ZNF106: variants seen among roughly 807,000 people sequenced by gnomAD.
ZNF106 encodes SH3-domain binding protein 3.
ZNF106 carries 67 observed loss-of-function variants against 195.1 expected under a neutral mutation model. That is an observed-to-expected ratio of 0.34 (90% CI 0.28 to 0.42). The LOEUF (loss-of-function observed/expected upper bound fraction) is 0.42. ZNF106 is among the 10% of genes least tolerant of loss of function. The pLI is 1.00. For missense variants in ZNF106, 2,118 were observed against 2,304.5 expected, an observed-to-expected ratio of 0.92 and a Z score of 1.66; for synonymous variants, 784 against 818.6, an observed-to-expected ratio of 0.96 and a Z score of 0.72.
In ZNF106 at chr15:42,449,777, A is replaced by G. The variant is rs761923719; in HGVS notation, c.2495T>C (p.Leu832Ser). Residue 832 changes from leucine (L) to serine (S), a missense_variant, in exon 5 of 22, where the codon TTA becomes TCA. Physicochemically the swap from Leu to Ser is moderately radical, Grantham distance 145. Transcript: ENST00000564754. ...ACCGAAAAGCAGCACACACCTGGGT[A>G]AGCCTTTGCCCAGCTCTTGCTTTTT... ...TKKKQELGKG[L>S]PRFGIEMVPL... 1.9e-6 allele frequency: 3 copies of G among 1,612,984 alleles called. No individual in the cohort carries two copies. In the East Asian group the frequency reaches 6.7e-5, roughly 36 times the overall value.
Position 42,414,817 on chromosome 15 carries a change from G to T in ZNF106, c.*2487C>A, listed in dbSNP as rs1178314494. The T allele has an allele frequency of 6.6e-6, 1 of 152,276 alleles. No individual in the cohort carries two copies. Among genetic ancestry groups the T allele is most frequent in the Non-Finnish European group, 1.5e-5 (1 of 68,086 alleles). The allele number at this position is 152,276 out of a possible 1,614,324, so 9.4% of individuals were successfully genotyped here. ...AGCCCAGAGAAAAGGGCCAGGTTTA[G>T]TCATCGATCCAGATGCATTTTCCCG... On this transcript the variant is annotated 3_prime_UTR_variant, in exon 22 of 22. Coordinates refer to ENST00000564754, the MANE Select transcript of ZNF106 (RefSeq NM_001366845.3).
chr15:42,427,881 GTGTT>G, intron 15 of ZNF106, 133 bp downstream of exon 15: 1 of 663,918 alleles, frequency 1.5e-6, no homozygotes, highest in Non-Finnish European at 2.7e-6. Flanking sequence ...GAAGATAACT[GTGTT>G]TGAGTAGTGG....
chr15:42,428,485 T>C (rs2054934909), intron 14 of ZNF106, among the ~76,000 whole-genome samples: 1 of 152,062 alleles, frequency 6.6e-6, no homozygotes, highest in Non-Finnish European at 1.5e-5. Flanking sequence ...AAGAGGAAAA[T>C]CAGGATTATA....
At chr15:42,423,090 G>A (rs1173159079) in intron 17 of ZNF106, among the ~76,000 whole-genome samples, 1 of 151,818 alleles carries the variant, frequency 6.6e-6, no homozygotes, top group Admixed American at 6.6e-5. Flanking sequence ...CTCACAGGCC[G>A]GGCACAGTGG....
Position 42,448,286 on chromosome 15 carries a change from A to G in ZNF106, c.2921T>C (p.Leu974Ser). The change falls in exon 6 of 22, where the codon TTG becomes TCG. Residue 974 changes from leucine to serine, a missense_variant. By Grantham distance (145) the Leu-to-Ser change is moderately radical. Transcript: ENST00000564754. Reference protein sequence around the residue: ...SSDHIIPLMHLAKDLNSQERS... With the variant: ...SSDHIIPLMHSAKDLNSQERS... ...CTCCTGGCTGTTCAAGTCTTTTGCC[A>G]AATGCATCAAAGGTATTATATGGTC... 1 of 1,614,194 alleles carries G rather than the reference A, an allele frequency of 6.2e-7. No homozygotes were observed. Among genetic ancestry groups the G allele is most frequent in the Non-Finnish European group, 8.5e-7 (1 of 1,180,028 alleles).
chr15:42,441,478 C>T (rs1384154454), intron 10 of ZNF106, among the ~76,000 whole-genome samples: 3 of 152,114 alleles, frequency 2.0e-5, no homozygotes, highest in African/African-American at 7.2e-5. Context: ...GTTTGTTGGA[C>T]TTAATTTTCA....
At chr15:42,437,900 C>T in intron 12 of ZNF106, among the ~76,000 whole-genome samples, 1 of 131,906 alleles carries the variant, frequency 7.6e-6, no homozygotes, top group South Asian at 2.3e-4. Flanking sequence ...ACGACTCCGT[C>T]TCAAAAAAAA....
In ZNF106 at chr15:42,424,978, G is replaced by T; in HGVS notation, c.5046C>A (p.Val1682=). ...EIFECHGPRA[V]SCLATAQEGA... The stretch of plus-strand genomic sequence containing the variant: ...CTTCCTGAGCTGTAGCAAGACAGCT[G>T]ACTGCCCGAGGGCCATGGCATTCAA... Residue 1682 remains valine (V), a synonymous_variant, in exon 16 of 22, where the codon GTC becomes GTA. Coordinates refer to ENST00000564754, the MANE Select transcript of ZNF106 (RefSeq NM_001366845.3). 6.2e-7 allele frequency: 1 copy of T among 1,614,186 alleles called. No individual in the cohort carries two copies.
intron 15 of ZNF106, chr15:42,427,481 CCT>C (rs1271274752): frequency 6.5e-6 from 1 of 152,870 alleles, no homozygotes; most frequent in Admixed American, 6.5e-5. Context: ...TTACAGCAAA[CCT>C]CTTAGTTCAC....
chr15:42,464,641 C>T (rs910547346), intron 3 of ZNF106, among the ~76,000 whole-genome samples: 1 of 151,346 alleles, frequency 6.6e-6, no homozygotes, highest in Admixed American at 6.6e-5. Context: ...ATCCTCCCAC[C>T]TCAGGCTGAT....
chr15:42,449,834 T>C lies in ZNF106; in HGVS notation c.2438A>G (p.Asn813Ser). The change falls in exon 5 of 22, where the codon AAC becomes AGC. Residue 813 changes from asparagine to serine, a missense_variant. Asn to Ser is a conservative substitution (Grantham distance 46, BLOSUM62 1). Transcript: ENST00000564754. Reference protein sequence around the residue: ...QILNASRRNVNWEQVIQQVTK... With the variant: ...QILNASRRNVSWEQVIQQVTK... The stretch of plus-strand genomic sequence containing the variant: ...TACTTGCTGAATGACCTGTTCCCAG[T>C]TGACATTTCTCCGAGATGCATTTAG... 6.2e-7 allele frequency: 1 copy of C among 1,614,230 alleles called. No individual in the cohort carries two copies. The highest frequency in any genetic ancestry group is 8.5e-7 in the Non-Finnish European group (1 of 1,180,032).
rs1353035674 is a variant in ZNF106, at chr15:42,450,973, A to G, written c.1299T>C (p.His433=). The change falls in exon 5 of 22, where the codon CAT becomes CAC. Residue 433 remains histidine (H), a synonymous_variant. Transcript: ENST00000564754. ...SPTQKTQKEI[H]TGSLNHKASS... is the part of the protein sequence containing the mutation. Reference sequence around the variant, plus strand: ...AGGCCTTGTGATTAAGAGATCCAGTATGTATTTCTTTTTGTGTTTTCTGTG... The same window carrying G: ...AGGCCTTGTGATTAAGAGATCCAGTGTGTATTTCTTTTTGTGTTTTCTGTG... 1.2e-5 allele frequency: 19 copies of G among 1,614,068 alleles called. No individual in the cohort carries two copies. The highest frequency in any genetic ancestry group is 4.5e-5 in the East Asian group (2 of 44,894).
At chr15:42,473,173 T>A (rs2056714907) in intron 1 of ZNF106, among the ~76,000 whole-genome samples, 1 of 152,200 alleles carries the variant, frequency 6.6e-6, no homozygotes, top group Admixed American at 6.5e-5. Flanking sequence ...ATTTGGAATG[T>A]TCCGATTTGG....
intron 3 of ZNF106, among the ~76,000 whole-genome samples, chr15:42,464,026 T>G (rs2056455162): frequency 6.6e-6 from 1 of 150,666 alleles, no homozygotes; most frequent in Non-Finnish European, 1.5e-5. Context: ...TCAAATGACC[T>G]AGGTTGACAT....
chr15:42,418,561 T>G (rs1418222758), intron 20 of ZNF106, among the ~76,000 whole-genome samples: 1 of 139,024 alleles, frequency 7.2e-6, no homozygotes, highest in Non-Finnish European at 1.6e-5. Flanking sequence ...TTTTTTTTAG[T>G]AAAGACAGGG....
chr15:42,482,603 A>G (rs1199001253), intron 1 of ZNF106, among the ~76,000 whole-genome samples: 1 of 136,348 alleles, frequency 7.3e-6, no homozygotes, highest in Non-Finnish European at 1.5e-5. Context: ...ATCTCAGCTC[A>G]CTGCAAGCTC....
rs752683589 is a variant in ZNF106, at chr15:42,417,917, T to C, written c.5552A>G (p.Asp1851Gly). 6 of 1,613,788 alleles carry C rather than the reference T, an allele frequency of 3.7e-6. No homozygotes were observed. The highest frequency in any genetic ancestry group is 3.3e-5 in the South Asian group (3 of 91,052). Residue 1851 changes from aspartate (D) to glycine (G), a missense_variant, in exon 21 of 22, where the codon GAT (aspartate) becomes GGT (glycine). Physicochemically the swap from Asp to Gly is moderately conservative, Grantham distance 94. Coordinates refer to ENST00000564754, the MANE Select transcript of ZNF106 (RefSeq NM_001366845.3). ...HGCSLIFGVVDHLKQHLLTDH... is the reference protein window; with the variant it reads ...HGCSLIFGVVGHLKQHLLTDH... ...GGTCAGCAAGTGTTGTTTTAAATGA[T>C]CTACAACGCCAAATATCAGAGAGCA...
At chr15:42,417,447 A>G (rs2054501061) in intron 21 of ZNF106, 87 bp from the exon 22 acceptor site, 1 of 1,505,124 alleles carries the variant, frequency 6.6e-7, no homozygotes, top group East Asian at 2.3e-5. Context: ...ATGTGGGTCC[A>G]TTCCACCTAG....
intron 20 of ZNF106, among the ~76,000 whole-genome samples, 154 bp downstream of exon 20, chr15:42,420,907 A>G (rs1488548904): frequency 1.3e-5 from 2 of 152,248 alleles, no homozygotes; most frequent in Admixed American, 1.3e-4. Flanking sequence ...AAACAAAACC[A>G]CCACCGAGGA....
Sources: allele counts gnomAD v4.1 joint callset (sites outside exome capture counted in the v4.1 genomes callset), GRCh38; gene constraint gnomAD v4.1.1; transcripts MANE v1.5; gene names NCBI Gene and HGNC (gene_info 2026-07-23, HGNC 2026-07-21).